CCDC30: variants seen among roughly 807,000 people sequenced by gnomAD.
CCDC30 encodes coiled-coil domain-containing protein 30.
CCDC30 carries 70 observed loss-of-function variants against 100.2 expected under a neutral mutation model. The ratio of observed to expected loss-of-function variants is 0.70; its 90% CI spans 0.58 to 0.85. The LOEUF (loss-of-function observed/expected upper bound fraction) is 0.85, where lower values mean the gene tolerates loss of function less well. Among genes scored for constraint, CCDC30 ranks in the 40% least tolerant of loss-of-function variants. The pLI, the probability that CCDC30 is intolerant of heterozygous loss-of-function variation, is 0.00. For synonymous variants in CCDC30, 233 were observed against 269.5 expected, an observed-to-expected ratio of 0.86 and a Z score of 1.33; for missense variants, 652 against 771.2, an observed-to-expected ratio of 0.85 and a Z score of 1.83.
chr1:42,539,804 C>T (rs1644977496), intron 6 of CCDC30, among the ~76,000 whole-genome samples: 1 of 151,972 alleles, frequency 6.6e-6, no homozygotes, highest in Non-Finnish European at 1.5e-5. Context: ...AAATGGCTTC[C>T]AGGGAGCCTA....
intron 12 of CCDC30, among the ~76,000 whole-genome samples, chr1:42,639,999 T>C (rs1267540432): frequency 6.6e-6 from 1 of 151,844 alleles, no homozygotes; most frequent in Non-Finnish European, 1.5e-5. Context: ...AGAAGAATGT[T>C]AATTGGTGGA....
chr1:42,517,706 C>T (rs974751396), intron 6 of CCDC30, among the ~76,000 whole-genome samples: 1 of 152,168 alleles, frequency 6.6e-6, no homozygotes, highest in African/African-American at 2.4e-5. Flanking sequence ...TGTTGAAAAT[C>T]ATTCAACAAA....
rs538131055 is a variant in CCDC30 at position 42,583,050 on chromosome 1, A to G, written c.1001+1536A>G. On this transcript the variant is annotated intron_variant, in intron 9 of 16. Coordinates refer to ENST00000668663, the Ensembl canonical transcript of CCDC30. ...TTTCTGCTGCTAATTATCAGTCTTC[A>G]ATTAGGGCACAAAAAAATTATTTTT... is the stretch of plus-strand genomic sequence containing the variant. Among the ~76,000 whole-genome samples, 103 of 152,326 alleles carry G rather than the reference A, an allele frequency of 6.8e-4. 1 individual carries two copies. The highest frequency in any genetic ancestry group is 2.3e-3 in the African/African-American group (97 of 41,576).
At chr1:42,642,728 C>T (rs554832963) in intron 13 of CCDC30, 119 bp downstream of exon 17, 115 of 976,158 alleles carry the variant, frequency 1.2e-4, no homozygotes, top group African/African-American at 2.3e-4. Context: ...ACTCTCGCTC[C>T]GCTGTCTGCT....
chr1:42,535,726 A>AT (rs1456742306), intron 6 of CCDC30, among the ~76,000 whole-genome samples: 1 of 109,272 alleles, frequency 9.2e-6, no homozygotes, highest in Non-Finnish European at 1.8e-5. Context: ...TATAAATTTT[A>AT]AAAAATTAAA....
intron 6 of CCDC30, among the ~76,000 whole-genome samples, chr1:42,535,522 A>C (rs891176429): frequency 6.7e-6 from 1 of 149,334 alleles, no homozygotes; most frequent in African/African-American, 2.5e-5. Context: ...TGACTGGCCA[A>C]ACCAAATGTG....
rs1646074780 is a variant in CCDC30 at position 42,586,577 on chromosome 1, G to T, written c.1002-2744G>T. Reference sequence around the variant, plus strand: ...GCCTCAGACTCCCAAAGTGTTAGGAGGTGTGAGCCATAGTGCCACAGATCC... The same window carrying T: ...GCCTCAGACTCCCAAAGTGTTAGGATGTGTGAGCCATAGTGCCACAGATCC... On this transcript the variant is annotated intron_variant, in intron 9 of 16. Transcript: ENST00000668663. Among the ~76,000 whole-genome samples, 8 of 152,108 alleles carry T rather than the reference G, an allele frequency of 5.3e-5. 1 individual carries two copies.
At chr1:42,560,664 G>A (rs1044500393) in intron 6 of CCDC30, among the ~76,000 whole-genome samples, 73 of 151,890 alleles carry the variant, frequency 4.8e-4, no homozygotes, top group East Asian at 5.8e-4. Flanking sequence ...CACTGCACCC[G>A]GCCCAGGAGC....
intron 10 of CCDC30, among the ~76,000 whole-genome samples, chr1:42,600,684 T>C (rs1049497507): frequency 4.6e-5 from 7 of 152,306 alleles, no homozygotes; most frequent in Admixed American, 1.3e-4. Context: ...AGGAGGGGCC[T>C]TGTGGGAGGT....
At chr1:42,625,214 G>T (rs1646909835) in intron 11 of CCDC30, among the ~76,000 whole-genome samples, 1 of 151,912 alleles carries the variant, frequency 6.6e-6, no homozygotes. Flanking sequence ...AATTTCTGTG[G>T]TATTAGTTGT....
At chr1:42,530,400 A>G (rs965757939) in intron 6 of CCDC30, among the ~76,000 whole-genome samples, 1 of 152,208 alleles carries the variant, frequency 6.6e-6, no homozygotes, top group African/African-American at 2.4e-5. Context: ...TTATGTATAC[A>G]TGGAAAAAAC....
intron 7 of CCDC30, among the ~76,000 whole-genome samples, chr1:42,568,775 C>CAA (rs113277866): frequency 3.0e-4 from 35 of 117,062 alleles, no homozygotes; most frequent in African/African-American, 1.1e-3. Context: ...ACTAAAAGTC[C>CAA]AAAAAAAAAA....
Position 42,545,458 on chromosome 1 carries a change from G to T in CCDC30, c.457-20838G>T, listed in dbSNP as rs150600912. On this transcript the variant is annotated intron_variant, in intron 6 of 16. Transcript: ENST00000668663. ...TGCACAATTAAATCATTTTACTCTA[G>T]GGGGAAAAACTGCACCTTCTAATTT... 3.1e-6 allele frequency: 5 copies of T among 1,598,466 alleles called. No individual in the cohort carries two copies. In the African/African-American group the frequency reaches 6.8e-5, roughly 22 times the overall value.
At chr1:42,505,296 ATTATTTGCAGGATAAT>A (rs1430379705) in intron 6 of CCDC30, among the ~76,000 whole-genome samples, 1 of 152,198 alleles carries the variant, frequency 6.6e-6, no homozygotes, top group Non-Finnish European at 1.5e-5. Flanking sequence ...TATCTGGCCA[ATTATTTGCAGGATAAT>A]TGATCCAGAT....
At chr1:42,470,648 C>T (rs766058118) in intron 1 of CCDC30, among the ~76,000 whole-genome samples, 33 of 152,200 alleles carry the variant, frequency 2.2e-4, no homozygotes, top group Non-Finnish European at 3.7e-4. Context: ...TTATGATTAG[C>T]GATACAACAT....
At chr1:42,548,405 A>G (rs1645186117) in intron 6 of CCDC30, among the ~76,000 whole-genome samples, 1 of 152,146 alleles carries the variant, frequency 6.6e-6, no homozygotes, top group Non-Finnish European at 1.5e-5. Flanking sequence ...TGGAAAGACA[A>G]TGGGGTAAGA....
chr1:42,511,992 G>A (rs1644485562), intron 6 of CCDC30, among the ~76,000 whole-genome samples: 1 of 152,216 alleles, frequency 6.6e-6, no homozygotes, highest in African/African-American at 2.4e-5. Context: ...TTTATTGACA[G>A]TAAGCCAGTG....
At chr1:42,500,785 A>G (rs1340587908) in intron 6 of CCDC30, among the ~76,000 whole-genome samples, 1 of 151,988 alleles carries the variant, frequency 6.6e-6, no homozygotes, top group African/African-American at 2.4e-5. Context: ...ATTAGAGATG[A>G]TGTCTCACCA....
chr1:42,484,407 A>T (rs916203642), intron 3 of CCDC30, among the ~76,000 whole-genome samples: 9 of 152,240 alleles, frequency 5.9e-5, no homozygotes, highest in African/African-American at 2.2e-4. Context: ...ATACAAGAAG[A>T]AAAAAGGAAA....
Sources: allele counts gnomAD v4.1 joint callset (sites outside exome capture counted in the v4.1 genomes callset), GRCh38; gene constraint gnomAD v4.1.1; transcripts MANE v1.5; gene names NCBI Gene and HGNC (gene_info 2026-07-23, HGNC 2026-07-21).